RAB5C: variants seen among roughly 807,000 people sequenced by gnomAD.
RAB5C encodes RAB5C, member RAS oncogene family.
RAB5C carries 4 observed loss-of-function variants against 25.2 expected under a neutral mutation model. The ratio of observed to expected loss-of-function variants is 0.16; its 90% CI spans 0.08 to 0.36. RAB5C has a LOEUF of 0.36. RAB5C is among the 10% of genes least tolerant of loss of function. The pLI, the probability that RAB5C is intolerant of heterozygous loss-of-function variation, is 1.00. For synonymous variants in RAB5C, 100 were observed against 106.4 expected, an observed-to-expected ratio of 0.94 and a Z score of 0.37; for missense variants, 199 against 283.8, an observed-to-expected ratio of 0.70 and a Z score of 2.15.
At chr17:42,131,495 C>T (rs905852029) in intron 1 of RAB5C, 13 of 1,083,686 alleles carry the variant, frequency 1.2e-5, no homozygotes, top group Non-Finnish European at 1.7e-5. Flanking sequence ...CACACCAAAA[C>T]AGACACCAAA....
rs1196283500 is a variant in RAB5C at position 42,140,513 on chromosome 17, ATATTTTTTTTTTTTT to A, written c.-88-9938_-88-9924del. Among the ~76,000 whole-genome samples the A allele has an allele frequency of 0.015, 509 of 34,032 alleles. No homozygotes were observed. The African/African-American group carries it at 0.16, about 10-fold the overall frequency. The allele number at this position is 34,032 out of a possible 152,430, so 22.3% of individuals were successfully genotyped here. Reference sequence around the variant, plus strand: ...TATATATATATATATATATATATATATATTTTTTTTTTTTTTTTTTTTTTTTTTGAGATGGAGTCT... The same window carrying A: ...TATATATATATATATATATATATATATTTTTTTTTTTTTGAGATGGAGTCT... On this transcript the variant is annotated intron_variant, in intron 1 of 5. Transcript: ENST00000346213.
At chr17:42,129,198 A>G (rs1331421357) in intron 2 of RAB5C, among the ~76,000 whole-genome samples, 2 of 152,100 alleles carry the variant, frequency 1.3e-5, no homozygotes, top group Admixed American at 1.3e-4. Flanking sequence ...ACCAGCAGCT[A>G]GGGACCGCTC....
Position 42,152,539 on chromosome 17 carries a change from G to T in RAB5C, c.-89+2354C>A, listed in dbSNP as rs369354562. Among the ~76,000 whole-genome samples the T allele has an allele frequency of 4.6e-5, 7 of 152,320 alleles. No individual in the cohort carries two copies. In the East Asian group the frequency reaches 1.3e-3, roughly 29 times the overall value. ...CATGCCTGTAATCCTAGCACTTTGGGAGGCTGAGGTGGGTGGATCATCTGA... is the reference window on the plus strand; with the variant it reads ...CATGCCTGTAATCCTAGCACTTTGGTAGGCTGAGGTGGGTGGATCATCTGA... On this transcript the variant is annotated intron_variant, in intron 1 of 5. Transcript: ENST00000346213.
chr17:42,140,753 T>C (rs961102775), intron 1 of RAB5C, among the ~76,000 whole-genome samples: 2 of 152,000 alleles, frequency 1.3e-5, no homozygotes, highest in African/African-American at 4.8e-5. Flanking sequence ...CTCGAACTCC[T>C]AACCTCAGGT....
At chr17:42,143,465 C>A (rs1039545508) in intron 1 of RAB5C, among the ~76,000 whole-genome samples, 1 of 152,066 alleles carries the variant, frequency 6.6e-6, no homozygotes, top group African/African-American at 2.4e-5. Context: ...GGTGAAACCT[C>A]GTTGCTACTA....
intron 1 of RAB5C, among the ~76,000 whole-genome samples, chr17:42,148,215 T>C (rs2079648809): frequency 6.6e-6 from 1 of 151,930 alleles, no homozygotes. Flanking sequence ...GAGATCAGCC[T>C]GGCCAACATG....
intron 2 of RAB5C, 42 bp downstream of exon 2, chr17:42,130,295 G>T: frequency 7.7e-6 from 12 of 1,551,342 alleles, no homozygotes; most frequent in Non-Finnish European, 1.1e-5. Flanking sequence ...CATTTCTTTG[G>T]CAACCTTCAG....
intron 1 of RAB5C, among the ~76,000 whole-genome samples, chr17:42,152,431 G>A (rs776162471): frequency 4.9e-4 from 74 of 152,026 alleles, no homozygotes; most frequent in Non-Finnish European, 9.9e-4. Flanking sequence ...GCTGCATAAC[G>A]ACCCAAAGCA....
At chr17:42,146,107 G>A (rs888391245) in intron 1 of RAB5C, among the ~76,000 whole-genome samples, 7 of 151,948 alleles carry the variant, frequency 4.6e-5, no homozygotes, top group Non-Finnish European at 7.4e-5. Context: ...GCGCCTGGCC[G>A]AGATCCTCTT....
rs1480271392 is a variant in RAB5C at position 42,126,843 on chromosome 17, T to C, written c.447A>G (p.Ala149=). 1.2e-6 allele frequency: 2 copies of C among 1,609,166 alleles called. No individual in the cohort carries two copies. Among genetic ancestry groups the C allele is most frequent in the African/African-American group, 2.7e-5 (2 of 74,820 alleles). ...AACTGTTGTCGTCTGCATAGGCTTGTGCTTCCTGGTTTGGATGGAGGTGAG... is the reference window on the plus strand; with the variant it reads ...AACTGTTGTCGTCTGCATAGGCTTGCGCTTCCTGGTTTGGATGGAGGTGAG... ...ASKRAVEFQE[A]QAYADDNSLL... Residue 149 remains alanine, a synonymous_variant, in exon 5 of 6, where the codon GCA becomes GCG. Transcript: ENST00000346213.
At chr17:42,132,556 AAG>A (rs2054496724) in intron 1 of RAB5C, among the ~76,000 whole-genome samples, 1 of 152,012 alleles carries the variant, frequency 6.6e-6, no homozygotes, top group South Asian at 2.1e-4. Context: ...TTTTTTTTTA[AAG>A]AAACAAGGTC....
chr17:42,125,848 G>A lies in RAB5C; in HGVS notation c.586C>T (p.Arg196Ter). 4 of 1,611,892 alleles carry A rather than the reference G, an allele frequency of 2.5e-6. No homozygotes were observed. The highest frequency in any genetic ancestry group is 3.4e-6 in the Non-Finnish European group (4 of 1,179,210). Residue 196 changes from arginine to a stop codon, truncating the protein, a stop_gained, in exon 6 of 6, where the codon CGA (arginine) becomes TGA (stop). Coordinates refer to ENST00000346213, the MANE Select transcript of RAB5C (RefSeq NM_004583.4). LOFTEE classifies it high-confidence loss of function. ...EPQNATGAPG[R>*]NRGVDLQENN... ...TCCTGGAGGTCCACACCTCGGTTTCGGCCTGGAGCACCAGTTGCATTCTGG... is the reference window on the plus strand; with the variant it reads ...TCCTGGAGGTCCACACCTCGGTTTCAGCCTGGAGCACCAGTTGCATTCTGG...
intron 1 of RAB5C, among the ~76,000 whole-genome samples, chr17:42,147,403 C>G (rs1302305467): frequency 1.3e-5 from 2 of 152,216 alleles, no homozygotes; most frequent in African/African-American, 4.8e-5. Context: ...TCCACTGATC[C>G]TTGCTAAGTA....
At chr17:42,140,503 A>AT (rs1356038110) in intron 1 of RAB5C, among the ~76,000 whole-genome samples, 29 of 50,618 alleles carry the variant, frequency 5.7e-4, no homozygotes, top group African/African-American at 2.7e-3. Flanking sequence ...ATATATATAT[A>AT]TATATATATA....
At chr17:42,129,771 G>A (rs548517543) in intron 2 of RAB5C, among the ~76,000 whole-genome samples, 6 of 152,332 alleles carry the variant, frequency 3.9e-5, no homozygotes, top group Non-Finnish European at 8.8e-5. Context: ...CAAGGCCAGC[G>A]TTGGCCCCTG....
intron 1 of RAB5C, among the ~76,000 whole-genome samples, chr17:42,139,986 T>C (rs1328652290): frequency 6.6e-6 from 1 of 152,174 alleles, no homozygotes; most frequent in Non-Finnish European, 1.5e-5. Flanking sequence ...CAGTTACTAT[T>C]TAGCTAGGAC....
chr17:42,128,717 G>T lies in RAB5C; in HGVS notation c.250C>A (p.His84Asn). 6.3e-7 allele frequency: 1 copy of T among 1,582,672 alleles called. No individual in the cohort carries two copies. Among genetic ancestry groups the T allele is most frequent in the Non-Finnish European group, 8.6e-7 (1 of 1,165,452 alleles). ...CGATAGTACATGGGGGCCAGGCTGT[G>T]ATACCGCTCCTGTCCAGCTGTGTCC... ...IWDTAGQERY[H>N]SLAPMYYRGA... The change falls in exon 3 of 6, where the codon CAC (histidine) becomes AAC (asparagine). Residue 84 changes from histidine to asparagine, a missense_variant. By Grantham distance (68) the His-to-Asn change is moderately conservative (BLOSUM62 1). This residue lies in a region of RAB5C where 154 missense variants were observed against 199.6 expected (regional missense o/e 0.77). Coordinates refer to ENST00000346213, the MANE Select transcript of RAB5C (RefSeq NM_004583.4).
Position 42,125,529 on chromosome 17 carries a change from A to C in RAB5C, c.*254T>G. ...TGGGAGAGCAGTAGAAAGGGGAGGA[A>C]GTGGGAAGAGCAGAAGATCATATAT... On this transcript the variant is annotated 3_prime_UTR_variant, in exon 6 of 6. Coordinates refer to ENST00000346213, the MANE Select transcript of RAB5C (RefSeq NM_004583.4). The C allele has an allele frequency of 1.7e-5, 7 of 410,044 alleles. No homozygotes were observed. Among genetic ancestry groups the C allele is most frequent in the Non-Finnish European group, 1.3e-5 (3 of 225,052 alleles). 25.4% of individuals were successfully genotyped at this position (410,044 alleles called of 1,614,324 possible).
intron 1 of RAB5C, among the ~76,000 whole-genome samples, chr17:42,130,948 CT>C (rs2054479398): frequency 6.6e-6 from 1 of 152,136 alleles, no homozygotes; most frequent in African/African-American, 2.4e-5. Flanking sequence ...AGTCAACAGG[CT>C]TTTGGGGCAA....
Sources: allele counts gnomAD v4.1 joint callset (sites outside exome capture counted in the v4.1 genomes callset), GRCh38; gene constraint gnomAD v4.1.1; regional missense constraint gnomAD v4.1.1; transcripts MANE v1.5; gene names NCBI Gene and HGNC (gene_info 2026-07-23, HGNC 2026-07-21).